Variants in ARHGAP15 observed in about 807,000 individuals in gnomAD.
ARHGAP15 encodes Rho GTPase activating protein 15.
Under a neutral mutation model 63.7 loss-of-function variants are expected in ARHGAP15, and 51 were observed. That is an observed-to-expected ratio of 0.80 (90% CI 0.64 to 1.01). The LOEUF (loss-of-function observed/expected upper bound fraction) is 1.01. Among genes scored for constraint, ARHGAP15 ranks in the 50% least tolerant of loss-of-function variants. The pLI, the probability that ARHGAP15 is intolerant of heterozygous loss-of-function variation, is 0.00. For synonymous variants in ARHGAP15, 191 were observed against 193.8 expected (o/e 0.99, Z 0.12); for missense variants, 560 against 564.6 (o/e 0.99, Z 0.08).
chr2:143,266,060 CTG>C (rs1027089019), intron 6 of ARHGAP15, among the ~76,000 whole-genome samples: 6 of 151,956 alleles, frequency 3.9e-5, no homozygotes, highest in East Asian at 1.9e-4. Flanking sequence ...ATTTTCGAAA[CTG>C]TGTGTTCAGT....
chr2:143,748,127 T>C (rs1686237770), intron 13 of ARHGAP15, among the ~76,000 whole-genome samples: 1 of 152,258 alleles, frequency 6.6e-6, no homozygotes, highest in African/African-American at 2.4e-5. Context: ...AAACATCTAC[T>C]AGAGGTCATG....
In ARHGAP15 at chr2:143,155,519, C is replaced by A. The variant is rs1205804509; in HGVS notation, c.29C>A (p.Ser10Tyr). The A allele has an allele frequency of 2.5e-6, 4 of 1,607,408 alleles. No homozygotes were observed. Among genetic ancestry groups the A allele is most frequent in the African/African-American group, 2.7e-5 (2 of 74,316 alleles). MQKSTNSDT[S>Y]VETLNSTRQG... Reference sequence around the variant, plus strand: ...CAGAAATCTACAAATTCTGATACTTCCGTGGAAACACTGAATTCTACCCGC... The same window carrying A: ...CAGAAATCTACAAATTCTGATACTTACGTGGAAACACTGAATTCTACCCGC... Residue 10 changes from serine (S) to tyrosine (Y), a missense_variant, in exon 2 of 14, where the codon TCC (serine) becomes TAC (tyrosine). By Grantham distance (144) the Ser-to-Tyr change is moderately radical. Coordinates refer to ENST00000295095, the MANE Select transcript of ARHGAP15 (RefSeq NM_018460.4).
intron 6 of ARHGAP15, among the ~76,000 whole-genome samples, chr2:143,329,630 G>C (rs1411388864): frequency 6.6e-6 from 1 of 152,118 alleles, no homozygotes; most frequent in Admixed American, 6.5e-5. Context: ...AAGAAATACT[G>C]TGTTTTGAGC....
At chr2:143,203,327 C>T (rs1415988476) in intron 3 of ARHGAP15, among the ~76,000 whole-genome samples, 1 of 152,118 alleles carries the variant, frequency 6.6e-6, no homozygotes, top group Non-Finnish European at 1.5e-5. Context: ...TTGCTGTTTC[C>T]AATTTCTGCC....
intron 4 of ARHGAP15, among the ~76,000 whole-genome samples, chr2:143,228,348 C>T (rs16858911): frequency 6.6e-6 from 1 of 151,980 alleles, no homozygotes; most frequent in Non-Finnish European, 1.5e-5. Context: ...TTAGGAGGAT[C>T]TATAAATTAA....
chr2:143,160,178 A>C (rs1312828383), intron 2 of ARHGAP15, among the ~76,000 whole-genome samples: 2 of 151,960 alleles, frequency 1.3e-5, no homozygotes, highest in African/African-American at 4.8e-5. Context: ...CATTATGTAG[A>C]AAATAAACTG....
intron 12 of ARHGAP15, among the ~76,000 whole-genome samples, chr2:143,668,335 T>A (rs1208543599): frequency 6.6e-6 from 1 of 152,126 alleles, no homozygotes; most frequent in East Asian, 1.9e-4. Context: ...CAGAGCAAAG[T>A]TAGGCGGCAG....
chr2:143,635,194 C>CTTTTTTT (rs10558886), intron 12 of ARHGAP15, among the ~76,000 whole-genome samples: 9 of 26,866 alleles, frequency 3.3e-4, no homozygotes, highest in African/African-American at 5.1e-4. Context: ...CTCTCAGGAG[C>CTTTTTTT]TTTTTTTTTT....
chr2:143,256,150 ATGTT>A (rs917494527), intron 6 of ARHGAP15, among the ~76,000 whole-genome samples: 23 of 152,312 alleles, frequency 1.5e-4, no homozygotes, highest in East Asian at 7.7e-4. Context: ...GCAATCCTGT[ATGTT>A]TGTTTGAGAG....
chr2:143,573,712 A>G (rs1489851311), intron 11 of ARHGAP15, among the ~76,000 whole-genome samples: 1 of 152,200 alleles, frequency 6.6e-6, no homozygotes, highest in East Asian at 1.9e-4. Context: ...TATGTGCACA[A>G]TAAATTCTGA....
intron 11 of ARHGAP15, chr2:143,587,595 G>A: frequency 5.5e-6 from 2 of 362,998 alleles, no homozygotes; most frequent in South Asian, 4.6e-5. Context: ...AATATATTAT[G>A]TTTCCTGAAT....
At chr2:143,516,504 CT>C (rs201641992) in intron 9 of ARHGAP15, among the ~76,000 whole-genome samples, 7 of 141,446 alleles carry the variant, frequency 4.9e-5, no homozygotes, top group Middle Eastern at 3.2e-3. Context: ...CTGCTATATT[CT>C]TTTTTTTGTA....
chr2:143,653,220 A>G (rs1014732831), intron 12 of ARHGAP15, among the ~76,000 whole-genome samples: 2 of 152,126 alleles, frequency 1.3e-5, no homozygotes, highest in Admixed American at 6.5e-5. Flanking sequence ...CATTCCCAGT[A>G]CAAACCCACT....
At chr2:143,181,817 G>T (rs141314467) in intron 2 of ARHGAP15, among the ~76,000 whole-genome samples, 3 of 152,290 alleles carry the variant, frequency 2.0e-5, no homozygotes, top group African/African-American at 4.8e-5. Flanking sequence ...CACTGTAGGG[G>T]CACTTTTAAT....
At chr2:143,419,051 A>G (rs1047143058) in intron 6 of ARHGAP15, among the ~76,000 whole-genome samples, 1 of 152,194 alleles carries the variant, frequency 6.6e-6, no homozygotes, top group Non-Finnish European at 1.5e-5. Flanking sequence ...TTTATGTGGT[A>G]ATTGTCACCA....
intron 9 of ARHGAP15, among the ~76,000 whole-genome samples, chr2:143,498,928 T>G (rs1359765139): frequency 6.6e-6 from 1 of 152,198 alleles, no homozygotes; most frequent in African/African-American, 2.4e-5. Context: ...GGAAAGAGTT[T>G]TCTTATAAAA....
intron 10 of ARHGAP15, among the ~76,000 whole-genome samples, chr2:143,535,004 A>G (rs1440620845): frequency 6.6e-6 from 1 of 152,224 alleles, no homozygotes; most frequent in East Asian, 1.9e-4. Flanking sequence ...TATTTTTTAC[A>G]ATTTCCATAT....
intron 12 of ARHGAP15, among the ~76,000 whole-genome samples, chr2:143,659,889 AG>A (rs1681661708): frequency 7.1e-6 from 1 of 141,798 alleles, no homozygotes; most frequent in African/African-American, 2.5e-5. Flanking sequence ...TTTATCTTGG[AG>A]TTTTTTTTTC....
rs1341404739 is a variant in ARHGAP15, at chr2:143,435,706, A to G, written c.573+7A>G. ...AAATGCAATTGACAGATTGGTATGT[A>G]TTTGTTTTGGCTGTTACCTTTATTA... On this transcript the variant is annotated splice_region_variant and intron_variant, in intron 7 of 13. Transcript: ENST00000295095. 2.5e-6 allele frequency: 4 copies of G among 1,599,436 alleles called. No individual in the cohort carries two copies.
Sources: gnomAD v4.1 joint callset for allele counts (sites outside exome capture counted in the v4.1 genomes callset) on GRCh38, gnomAD v4.1.1 for gene constraint, MANE v1.5 for transcripts, NCBI Gene and HGNC (gene_info 2026-07-23, HGNC 2026-07-21) for gene names.